PLCL1: variants seen among roughly 807,000 people sequenced by gnomAD.
PLCL1 encodes inactive phospholipase C-like protein 1.
In PLCL1, 41 loss-of-function variants were observed where a neutral mutation model predicts 84.4. The observed-to-expected ratio is 0.49, with a 90% CI of 0.38 to 0.63. The LOEUF (loss-of-function observed/expected upper bound fraction) is 0.63, where lower values mean the gene tolerates loss of function less well. Ranked by LOEUF, PLCL1 falls within the 30% of genes least tolerant of loss-of-function variation. The pLI is 0.00. For missense variants in PLCL1, 1,206 were observed against 1,367.8 expected (o/e 0.88, Z 1.87); for synonymous variants, 490 against 488.3 (o/e 1.00, Z -0.05).
In PLCL1 at chr2:198,063,381, A is replaced by G. The variant is rs570531601; in HGVS notation, c.241-20377A>G. Among the ~76,000 whole-genome samples, 24 of 152,266 alleles carry G rather than the reference A, an allele frequency of 1.6e-4. No homozygotes were observed. In the South Asian group the frequency reaches 1.7e-3, roughly 11 times the overall value. ...GTCTGCACAGTAATAACTGTGTCCTAGAATAACCAGAACCCAGCAAAACAA... is the reference window on the plus strand; with the variant it reads ...GTCTGCACAGTAATAACTGTGTCCTGGAATAACCAGAACCCAGCAAAACAA... On this transcript the variant is annotated intron_variant, in intron 1 of 5. Transcript: ENST00000428675.
chr2:197,921,181 C>T (rs1688693762), intron 1 of PLCL1, among the ~76,000 whole-genome samples: 1 of 152,074 alleles, frequency 6.6e-6, no homozygotes, highest in Admixed American at 6.6e-5. Flanking sequence ...AGAAAAGGGA[C>T]AGTAAAAAAT....
intron 1 of PLCL1, among the ~76,000 whole-genome samples, chr2:197,944,165 T>C (rs1275353123): frequency 2.0e-5 from 3 of 152,180 alleles, no homozygotes; most frequent in Non-Finnish European, 4.4e-5. Context: ...TCAAACAAGT[T>C]AGCCGGATTT....
chr2:197,851,202 G>A (rs923776944), intron 1 of PLCL1, among the ~76,000 whole-genome samples: 3 of 152,204 alleles, frequency 2.0e-5, no homozygotes, highest in Admixed American at 6.5e-5. Flanking sequence ...AAACCTAAGA[G>A]AGCAGCGGAA....
At chr2:197,888,051 C>T (rs761270126) in intron 1 of PLCL1, among the ~76,000 whole-genome samples, 1 of 151,436 alleles carries the variant, frequency 6.6e-6, no homozygotes, top group Admixed American at 6.6e-5. Flanking sequence ...GTGATTGTGC[C>T]ACTGGACTCT....
chr2:197,943,696 A>T (rs1689212975), intron 1 of PLCL1, among the ~76,000 whole-genome samples: 1 of 140,354 alleles, frequency 7.1e-6, no homozygotes, highest in South Asian at 2.2e-4. Context: ...AGTGATCTGC[A>T]CTGGAATGTG....
chr2:197,975,977 A>C (rs1261652934), intron 1 of PLCL1, among the ~76,000 whole-genome samples: 3 of 152,176 alleles, frequency 2.0e-5, no homozygotes, highest in Admixed American at 6.5e-5. Flanking sequence ...CCTTCCTAGT[A>C]CACTCTAGGA....
At chr2:198,068,581 C>T (rs149163806) in intron 1 of PLCL1, among the ~76,000 whole-genome samples, 1 of 152,114 alleles carries the variant, frequency 6.6e-6, no homozygotes, top group Admixed American at 6.5e-5. Context: ...ATTCAAGATC[C>T]CTTAGTAAAA....
chr2:198,123,220 C>T (rs901409585), intron 5 of PLCL1, among the ~76,000 whole-genome samples: 1 of 151,916 alleles, frequency 6.6e-6, no homozygotes, highest in African/African-American at 2.4e-5. Flanking sequence ...GCAAACTATC[C>T]CTCAATTTTA....
At chr2:197,876,738 T>C (rs1285195656) in intron 1 of PLCL1, among the ~76,000 whole-genome samples, 1 of 152,116 alleles carries the variant, frequency 6.6e-6, no homozygotes, top group African/African-American at 2.4e-5. Context: ...AGCTGTTAGA[T>C]TTGAGGTTGT....
chr2:197,879,482 T>TA (rs1225386821), intron 1 of PLCL1, among the ~76,000 whole-genome samples: 1 of 152,150 alleles, frequency 6.6e-6, no homozygotes, highest in Non-Finnish European at 1.5e-5. Context: ...AATTTGATGA[T>TA]AAAAAATGGA....
chr2:198,030,517 G>A (rs1190511417), intron 1 of PLCL1, among the ~76,000 whole-genome samples: 2 of 152,154 alleles, frequency 1.3e-5, no homozygotes, highest in Non-Finnish European at 2.9e-5. Flanking sequence ...TCCCCTCTTT[G>A]AAGGCCAGCA....
intron 1 of PLCL1, among the ~76,000 whole-genome samples, chr2:198,067,701 T>C (rs1692354095): frequency 6.6e-6 from 1 of 152,248 alleles, no homozygotes; most frequent in African/African-American, 2.4e-5. Context: ...ACTCTGCCAC[T>C]GATTTATGTT....
chr2:197,981,364 G>C (rs1175379902), intron 1 of PLCL1, among the ~76,000 whole-genome samples: 1 of 152,088 alleles, frequency 6.6e-6, no homozygotes, highest in African/African-American at 2.4e-5. Flanking sequence ...GATTAAGTTA[G>C]GAAAGAGCAA....
chr2:197,842,030 G>GA (rs751584277), intron 1 of PLCL1, among the ~76,000 whole-genome samples: 23 of 152,204 alleles, frequency 1.5e-4, no homozygotes, highest in African/African-American at 1.7e-4. Context: ...ATAGCTGGGG[G>GA]AAAAAATGAA....
At chr2:198,122,812 A>C (rs1693898552) in intron 5 of PLCL1, among the ~76,000 whole-genome samples, 1 of 152,130 alleles carries the variant, frequency 6.6e-6, no homozygotes. Context: ...ATAGTTATAA[A>C]ATATGTATTC....
intron 1 of PLCL1, among the ~76,000 whole-genome samples, chr2:198,027,282 T>C (rs1383429413): frequency 6.6e-6 from 1 of 152,096 alleles, no homozygotes; most frequent in East Asian, 1.9e-4. Context: ...ACCTGCCCTC[T>C]CTCATATGCA....
At chr2:198,145,967 G>C (rs1277989216) in intron 5 of PLCL1, among the ~76,000 whole-genome samples, 1 of 152,136 alleles carries the variant, frequency 6.6e-6, no homozygotes, top group Non-Finnish European at 1.5e-5. Flanking sequence ...ATGGGCCATA[G>C]ACACCTGTCC....
At chr2:197,927,521 AG>A (rs1688853324) in intron 1 of PLCL1, among the ~76,000 whole-genome samples, 1 of 152,212 alleles carries the variant, frequency 6.6e-6, no homozygotes, top group Non-Finnish European at 1.5e-5. Context: ...CAAAGAAGAA[AG>A]GTAGAAAAGC....
intron 1 of PLCL1, among the ~76,000 whole-genome samples, chr2:197,841,760 G>A (rs1216376258): frequency 6.6e-6 from 1 of 152,146 alleles, no homozygotes; most frequent in Non-Finnish European, 1.5e-5. Flanking sequence ...CAAATGGTAA[G>A]GACATGTTTA....
Sources: allele counts gnomAD v4.1 joint callset (sites outside exome capture counted in the v4.1 genomes callset), GRCh38; gene constraint gnomAD v4.1.1; transcripts MANE v1.5; gene names NCBI Gene and HGNC (gene_info 2026-07-23, HGNC 2026-07-21).